The following MYOCOS variants were observed in gnomAD, a reference collection of about 807,000 sequenced individuals.
MYOCOS encodes myocilin opposite strand protein.
In MYOCOS at chr1:171,626,114, A is replaced by C. The variant is rs186024345; in HGVS notation, c.96-340A>C. On this transcript the variant is annotated intron_variant, in intron 2 of 2. Coordinates refer to ENST00000637642, the MANE Select transcript of MYOCOS (RefSeq NM_001391940.1). ...TTTTGTTGTTTTGAGACAGGGTCTC[A>C]CTCTGTCACCCAAGCTAGCGTGCAG... Among the ~76,000 whole-genome samples the C allele has an allele frequency of 5.9e-5, 9 of 152,128 alleles. No homozygotes were observed. In the East Asian group the frequency reaches 1.7e-3, roughly 29 times the overall value.
At chr1:171,621,652 G>A (rs565108184), upstream of MYOCOS, among the ~76,000 whole-genome samples, 2 of 152,226 alleles carry the variant, frequency 1.3e-5, no homozygotes, top group South Asian at 4.1e-4. Flanking sequence ...TGGGATTGCA[G>A]GCATGAGCCA....
chr1:171,616,542 A>C (rs548118896), intron 2 of MYOCOS, among the ~76,000 whole-genome samples: 7 of 152,300 alleles, frequency 4.6e-5, no homozygotes, highest in Admixed American at 4.6e-4. Context: ...CTCTGTCTCA[A>C]ATAAATAAAT....
At chr1:171,617,239 C>T (rs543911678) in intron 2 of MYOCOS, among the ~76,000 whole-genome samples, 2 of 152,182 alleles carry the variant, frequency 1.3e-5, no homozygotes, top group Admixed American at 1.3e-4. Flanking sequence ...GCTGCTCATC[C>T]ACCCACTCCC....
upstream of MYOCOS, among the ~76,000 whole-genome samples, chr1:171,619,945 C>G (rs1341331562): frequency 6.6e-6 from 1 of 151,150 alleles, no homozygotes; most frequent in African/African-American, 2.4e-5. Context: ...AGAAGCCCCT[C>G]CAACATCAGA....
chr1:171,608,450 C>T (rs1425634702), intron 1 of MYOCOS, among the ~76,000 whole-genome samples: 7 of 104,906 alleles, frequency 6.7e-5, no homozygotes, highest in Non-Finnish European at 1.2e-4. Flanking sequence ...TGGAGCCTTG[C>T]TGTGTTGCCC....
chr1:171,608,155 T>C (rs1430066505), intron 1 of MYOCOS, among the ~76,000 whole-genome samples: 1 of 152,122 alleles, frequency 6.6e-6, no homozygotes, highest in Non-Finnish European at 1.5e-5. Context: ...CAATTCAAGA[T>C]GAGATTTGGG....
At chr1:171,620,775 T>TTC (rs920195248), upstream of MYOCOS, among the ~76,000 whole-genome samples, 13 of 145,516 alleles carry the variant, frequency 8.9e-5, no homozygotes, top group Admixed American at 1.4e-4. Flanking sequence ...TTTTCTTTCT[T>TTC]TTTTTTTTTT....
At chr1:171,619,919 A>G (rs1316063914), upstream of MYOCOS, among the ~76,000 whole-genome samples, 1 of 151,250 alleles carries the variant, frequency 6.6e-6, no homozygotes, top group Non-Finnish European at 1.5e-5. Context: ...TGCTTCTGAC[A>G]TATTCAAAAT....
At chr1:171,607,582 A>G (rs1652275575) in intron 1 of MYOCOS, among the ~76,000 whole-genome samples, 1 of 152,172 alleles carries the variant, frequency 6.6e-6, no homozygotes, top group Non-Finnish European at 1.5e-5. Flanking sequence ...AAGACCATTG[A>G]CATCCTTTCT....
chr1:171,608,206 T>C (rs947961732), intron 1 of MYOCOS, among the ~76,000 whole-genome samples: 1 of 152,118 alleles, frequency 6.6e-6, no homozygotes, highest in African/African-American at 2.4e-5. Context: ...GCTTACAGGA[T>C]ACACTGCAAA....
rs1652717435 is a variant in MYOCOS, at chr1:171,626,844, G to A, written c.*243G>A. On this transcript the variant is annotated 3_prime_UTR_variant, in exon 3 of 3. Coordinates refer to ENST00000637642, the MANE Select transcript of MYOCOS (RefSeq NM_001391940.1). ...GATCTTTATGTTATGCTATAGAACT[G>A]TTGCTGTAGTCAGTTGTATTTAAAT... is the stretch of plus-strand genomic sequence containing the variant. 5 of 333,188 alleles carry A rather than the reference G, an allele frequency of 1.5e-5. No homozygotes were observed. The East Asian group carries it at 1.8e-4, about 12-fold the overall frequency. The allele number at this position is 333,188 out of a possible 1,614,324, so 20.6% of individuals were successfully genotyped here. A position where few individuals can be genotyped will look rare whatever the true frequency, so the allele number is the denominator to read the frequency against.
chr1:171,612,319 T>C (rs1334814165), intron 1 of MYOCOS, among the ~76,000 whole-genome samples: 1 of 151,284 alleles, frequency 6.6e-6, no homozygotes, highest in African/African-American at 2.4e-5. Context: ...CCTCAGATGA[T>C]CCAACTGCCT....
intron 1 of MYOCOS, among the ~76,000 whole-genome samples, chr1:171,610,300 A>G (rs970223014): frequency 6.6e-6 from 1 of 152,150 alleles, no homozygotes; most frequent in Non-Finnish European, 1.5e-5. Flanking sequence ...TGGTACCTCA[A>G]TTGTATCTTC....
At chr1:171,601,531 G>A (rs1055939849) in intron 1 of MYOCOS, among the ~76,000 whole-genome samples, 7 of 151,676 alleles carry the variant, frequency 4.6e-5, no homozygotes, top group Non-Finnish European at 8.8e-5. Context: ...ACCCCACTGG[G>A]AACTATGTTA....
chr1:171,622,758 G>A (rs927474490), intron 1 of MYOCOS, among the ~76,000 whole-genome samples: 6 of 152,198 alleles, frequency 3.9e-5, no homozygotes, highest in Non-Finnish European at 7.3e-5. Context: ...TTTCTTGGGA[G>A]ATGACTTGGC....
chr1:171,611,413 A>T (rs1009130819), intron 1 of MYOCOS, among the ~76,000 whole-genome samples: 9 of 152,272 alleles, frequency 5.9e-5, no homozygotes, highest in Middle Eastern at 6.8e-3. Context: ...CATGACTTTC[A>T]GGATCTAATA....
chr1:171,613,768 G>C (rs765040032), intron 1 of MYOCOS, among the ~76,000 whole-genome samples: 1 of 152,036 alleles, frequency 6.6e-6, no homozygotes, highest in African/African-American at 2.4e-5. Flanking sequence ...GGTTGGTCTT[G>C]AACTCCTGAG....
chr1:171,606,706 T>C (rs1652249784), intron 1 of MYOCOS, among the ~76,000 whole-genome samples: 1 of 152,122 alleles, frequency 6.6e-6, no homozygotes, highest in Non-Finnish European at 1.5e-5. Flanking sequence ...AGGACAGAAA[T>C]TGTGCACTCG....
At chr1:171,612,290 G>C (rs1218342056) in intron 1 of MYOCOS, among the ~76,000 whole-genome samples, 2 of 151,614 alleles carry the variant, frequency 1.3e-5, no homozygotes, top group African/African-American at 4.8e-5. Flanking sequence ...TGTTGGCCCG[G>C]CTGGTCTCGA....
Sources: gnomAD v4.1 joint callset for allele counts (sites outside exome capture counted in the v4.1 genomes callset) on GRCh38, gnomAD v4.1.1 for gene constraint, MANE v1.5 for transcripts, NCBI Gene and HGNC (gene_info 2026-07-23, HGNC 2026-07-21) for gene names.